The following ZCRB1 variants were observed in gnomAD, a reference collection of about 807,000 sequenced individuals.
ZCRB1 encodes zinc finger CCHC-type and RNA-binding motif-containing protein 1.
A neutral mutation model predicts 29.9 loss-of-function variants in ZCRB1; 21 were observed. The observed-to-expected ratio is 0.70, with a 90% confidence interval of 0.50 to 1.01. The LOEUF is 1.01. Ranked by LOEUF, ZCRB1 falls within the 50% of genes least tolerant of loss-of-function variation. The probability of loss-of-function intolerance (pLI) is 0.00; values close to 1 mark genes in which losing one functional copy is unlikely to be tolerated. For synonymous variants in ZCRB1, 77 were observed against 80.0 expected, an observed-to-expected ratio of 0.96 and a Z score of 0.20; for missense variants, 204 against 253.3, an observed-to-expected ratio of 0.81 and a Z score of 1.32.
At chr12:42,314,429 A>AC (rs1410300444) in intron 5 of ZCRB1, among the ~76,000 whole-genome samples, 1 of 136,750 alleles carries the variant, frequency 7.3e-6, no homozygotes, top group Non-Finnish European at 1.6e-5. Context: ...AAAAAAAAAA[A>AC]AATTAGTTGG....
At chr12:42,315,611 A>T (rs989040805) in intron 5 of ZCRB1, among the ~76,000 whole-genome samples, 43 of 152,018 alleles carry the variant, frequency 2.8e-4, no homozygotes, top group African/African-American at 9.7e-4. Context: ...TTTTGGAGGG[A>T]GGGAAATTAA....
At chr12:42,321,696 G>C (rs1387287113) in intron 3 of ZCRB1, among the ~76,000 whole-genome samples, 1 of 152,158 alleles carries the variant, frequency 6.6e-6, no homozygotes, top group Non-Finnish European at 1.5e-5. Flanking sequence ...TGGAACACTA[G>C]AAGAAATTAG....
chr12:42,319,247 G>A (rs954981169), intron 3 of ZCRB1, among the ~76,000 whole-genome samples: 4 of 151,984 alleles, frequency 2.6e-5, no homozygotes, highest in Middle Eastern at 3.4e-3. Flanking sequence ...GGGCATTACT[G>A]TTTTAACAGT....
At chr12:42,314,994 C>T (rs1319897144) in intron 5 of ZCRB1, among the ~76,000 whole-genome samples, 1 of 152,120 alleles carries the variant, frequency 6.6e-6, no homozygotes, top group African/African-American at 2.4e-5. Context: ...AAAATTTCTT[C>T]CTCACTTTTC....
In ZCRB1 at chr12:42,313,776, G is replaced by T; in HGVS notation, c.447-11C>A. The T allele has an allele frequency of 1.9e-6, 3 of 1,613,142 alleles. No individual in the cohort carries two copies. Among genetic ancestry groups the T allele is most frequent in the Non-Finnish European group, 2.5e-6 (3 of 1,179,774 alleles). ...TCTTCTACTTCCTCACTTAAATAAAGAAAAACAAATTGGAATGTAACCAAC... is the reference window on the plus strand; with the variant it reads ...TCTTCTACTTCCTCACTTAAATAAATAAAAACAAATTGGAATGTAACCAAC... On this transcript the variant is annotated splice_polypyrimidine_tract_variant and intron_variant, in intron 6 of 7. Transcript: ENST00000266529.
At chr12:42,320,574 A>G (rs1170236866) in intron 3 of ZCRB1, among the ~76,000 whole-genome samples, 1 of 151,954 alleles carries the variant, frequency 6.6e-6, no homozygotes, top group Non-Finnish European at 1.5e-5. Flanking sequence ...TCGCCTCCCA[A>G]GCAGCTGGGA....
chr12:42,319,013 T>G (rs528975938), intron 3 of ZCRB1, among the ~76,000 whole-genome samples: 4 of 152,264 alleles, frequency 2.6e-5, no homozygotes, highest in Non-Finnish European at 5.9e-5. Context: ...GACTGGTGAA[T>G]GTAGAGGGAA....
intron 5 of ZCRB1, among the ~76,000 whole-genome samples, chr12:42,314,883 C>T (rs1246434271): frequency 6.6e-6 from 1 of 151,882 alleles, no homozygotes; most frequent in East Asian, 1.9e-4. Context: ...ACGCGGGAGG[C>T]AGAGACTGCA....
At chr12:42,323,340 A>G (rs2068630921) in intron 2 of ZCRB1, among the ~76,000 whole-genome samples, 1 of 152,148 alleles carries the variant, frequency 6.6e-6, no homozygotes, top group African/African-American at 2.4e-5. Flanking sequence ...TAGGTCGTAT[A>G]AGGCACCTCG....
At chr12:42,319,878 T>C (rs2068612816) in intron 3 of ZCRB1, among the ~76,000 whole-genome samples, 1 of 152,198 alleles carries the variant, frequency 6.6e-6, no homozygotes, top group African/African-American at 2.4e-5. Context: ...GTGTGTTCAT[T>C]CATTCGGTCA....
intron 5 of ZCRB1, 126 bp from the exon 6 acceptor site, chr12:42,314,112 T>A: frequency 1.2e-6 from 1 of 854,810 alleles, no homozygotes; most frequent in Non-Finnish European, 1.8e-6. Flanking sequence ...ACTGGGACTA[T>A]ACAGAAGACA....
At chr12:42,313,849 T>C (rs1336851512) in intron 6 of ZCRB1, 25 bp downstream of exon 6, 6 of 1,607,910 alleles carry the variant, frequency 3.7e-6, no homozygotes, top group African/African-American at 1.3e-5. Flanking sequence ...CATGATGATG[T>C]ATTTAGTAAG....
At chr12:42,325,463 G>T (rs1450507444) in intron 1 of ZCRB1, 2 of 152,184 alleles carry the variant, frequency 1.3e-5, no homozygotes, top group Non-Finnish European at 2.9e-5. Flanking sequence ...GTAGGTATGT[G>T]TGTATATGTA....
intron 1 of ZCRB1, 46 bp from the exon 2 acceptor site, chr12:42,324,150 T>TC (rs2068636721): frequency 1.9e-6 from 3 of 1,562,662 alleles, no homozygotes; most frequent in Non-Finnish European, 2.6e-6. Context: ...AAACCAGGAT[T>TC]CTTTTTTTGT....
At position 42,313,689 on chromosome 12, in the gene ZCRB1, C is replaced by T; in HGVS notation, c.522+1G>A. 6.2e-7 allele frequency: 1 copy of T among 1,612,718 alleles called. No homozygotes were observed. The highest frequency in any genetic ancestry group is 1.3e-5 in the African/African-American group (1 of 74,916). On this transcript the variant is annotated splice_donor_variant, in intron 7 of 7. Coordinates refer to ENST00000266529, the MANE Select transcript of ZCRB1 (RefSeq NM_033114.4). LOFTEE classifies it high-confidence loss of function. Reference sequence around the variant, plus strand: ...TGCCTTTTAAAAGAACAATTTAATACCTGGAATGCTATGGCCTGACTGAGG... The same window carrying T: ...TGCCTTTTAAAAGAACAATTTAATATCTGGAATGCTATGGCCTGACTGAGG...
intron 3 of ZCRB1, among the ~76,000 whole-genome samples, chr12:42,322,164 G>A (rs1243875299): frequency 1.3e-5 from 2 of 151,974 alleles, no homozygotes; most frequent in African/African-American, 4.8e-5. Flanking sequence ...TATCTTTATA[G>A]CACATGGAAA....
intron 3 of ZCRB1, 106 bp from the exon 4 acceptor site, chr12:42,318,004 T>G: frequency 1.2e-6 from 1 of 845,044 alleles, no homozygotes; most frequent in Non-Finnish European, 1.8e-6. Flanking sequence ...TAAGATAAAT[T>G]AATACATTTG....
At position 42,312,600 on chromosome 12, in the gene ZCRB1, T is replaced by G. The variant is rs571791052; in HGVS notation, c.*467A>C. 7.9e-5 allele frequency: 12 copies of G among 152,362 alleles called. No homozygotes were observed. Among genetic ancestry groups the G allele is most frequent in the African/African-American group, 2.9e-4 (12 of 41,590 alleles). The allele number at this position is 152,362 out of a possible 1,614,324, so 9.4% of individuals were successfully genotyped here. ...AGTAGTTTCTTCTAGGGAATGGAAT[T>G]TGGTGCTATGGGTAGGGCAGACAAA... On this transcript the variant is annotated 3_prime_UTR_variant, in exon 8 of 8. Transcript: ENST00000266529.
chr12:42,312,853 G>A lies in ZCRB1; in HGVS notation c.*214C>T, dbSNP rs1035253301. The A allele has an allele frequency of 2.7e-6, 1 of 366,746 alleles. No homozygotes were observed. Among genetic ancestry groups the A allele is most frequent in the Non-Finnish European group, 4.4e-6 (1 of 225,886 alleles). The allele number at this position is 366,746 out of a possible 1,614,324, so 22.7% of individuals were successfully genotyped here. A position where few individuals can be genotyped will look rare whatever the true frequency, so the allele number is the denominator to read the frequency against. ...TCGGTCTTCAGGAAGTTTGTTTTAA[G>A]GATTAATTTCAGAAGTCCTCATGTA... On this transcript the variant is annotated 3_prime_UTR_variant, in exon 8 of 8. Transcript: ENST00000266529.
Sources: gnomAD v4.1 joint callset for allele counts (sites outside exome capture counted in the v4.1 genomes callset) on GRCh38, gnomAD v4.1.1 for gene constraint, MANE v1.5 for transcripts, NCBI Gene and HGNC (gene_info 2026-07-23, HGNC 2026-07-21) for gene names.